Variants in EYA1 observed in about 807,000 individuals in gnomAD.
The protein encoded by EYA1 is protein phosphatase EYA1.
EYA1 carries 16 observed loss-of-function variants against 82.0 expected under a neutral mutation model. The observed-to-expected ratio is 0.20, with a 90% CI of 0.13 to 0.30. The LOEUF is 0.30. EYA1 is among the 10% of genes least tolerant of loss of function. EYA1 has a pLI of 1.00. For missense variants in EYA1, 633 were observed against 730.7 expected (o/e 0.87, Z 1.54); for synonymous variants, 261 against 264.4 (o/e 0.99, Z 0.12).
intron 4 of EYA1, among the ~76,000 whole-genome samples, chr8:71,331,249 C>T (rs1167689376): frequency 4.6e-4 from 13 of 28,052 alleles, no homozygotes; most frequent in Admixed American, 2.5e-3. Flanking sequence ...AATAAATACA[C>T]ACACACACAC....
chr8:71,220,292 G>A (rs1809731612), intron 12 of EYA1, among the ~76,000 whole-genome samples: 1 of 152,132 alleles, frequency 6.6e-6, no homozygotes, highest in African/African-American at 2.4e-5. Flanking sequence ...GACTTTTAAG[G>A]TGATGAAATC....
intron 2 of EYA1, among the ~76,000 whole-genome samples, chr8:71,517,968 T>A (rs1400188771): frequency 6.6e-6 from 1 of 151,884 alleles, no homozygotes; most frequent in African/African-American, 2.4e-5. Flanking sequence ...AAATTCTTCA[T>A]CAGTAAAAAT....
At chr8:71,377,349 G>T (rs1828433747) in intron 2 of EYA1, among the ~76,000 whole-genome samples, 1 of 152,150 alleles carries the variant, frequency 6.6e-6, no homozygotes, top group Admixed American at 6.6e-5. Flanking sequence ...GAAATTGGGA[G>T]AGACCCCAAG....
At chr8:71,405,381 G>A (rs903270776) in intron 2 of EYA1, among the ~76,000 whole-genome samples, 8 of 152,144 alleles carry the variant, frequency 5.3e-5, no homozygotes, top group African/African-American at 1.4e-4. Flanking sequence ...CACAGAATGT[G>A]GGTCAATCAG....
chr8:71,333,729 G>A (rs1366860279), intron 4 of EYA1, among the ~76,000 whole-genome samples: 2 of 152,152 alleles, frequency 1.3e-5, no homozygotes, highest in Non-Finnish European at 2.9e-5. Flanking sequence ...GCTTAGAAGC[G>A]TAAAACACCA....
intron 12 of EYA1, among the ~76,000 whole-genome samples, chr8:71,238,195 G>C (rs755935070): frequency 6.6e-6 from 1 of 151,828 alleles, no homozygotes; most frequent in African/African-American, 2.4e-5. Flanking sequence ...CTATTAATTT[G>C]CTTGGTTTTA....
At chr8:71,442,378 G>A (rs1463792401) in intron 2 of EYA1, among the ~76,000 whole-genome samples, 3 of 152,114 alleles carry the variant, frequency 2.0e-5, no homozygotes, top group Non-Finnish European at 4.4e-5. Context: ...CTAGATAATG[G>A]AATCTTATTT....
intron 12 of EYA1, among the ~76,000 whole-genome samples, chr8:71,224,027 G>A (rs139249028): frequency 1.3e-5 from 2 of 152,288 alleles, no homozygotes; most frequent in East Asian, 1.9e-4. Context: ...CAACAGTGAC[G>A]TAATAGCTAG....
chr8:71,479,564 GCA>G (rs1809955724), intron 2 of EYA1, among the ~76,000 whole-genome samples: 5 of 146,468 alleles, frequency 3.4e-5, no homozygotes, highest in Non-Finnish European at 4.5e-5. Context: ...AGTACCTGCT[GCA>G]TAAACACTGT....
At chr8:71,542,180 T>C (rs1038443690) in intron 1 of EYA1, among the ~76,000 whole-genome samples, 9 of 152,194 alleles carry the variant, frequency 5.9e-5, no homozygotes, top group Admixed American at 5.9e-4. Flanking sequence ...TTAAGCCTAG[T>C]ACCCATCAGT....
rs187000273 is a variant in EYA1 at position 71,256,011 on chromosome 8, C to G, written c.1051-11319G>C. ...CCCAAACCACTGTGAGTTATTATCT[C>G]ACAGCCATTAGAATGGCTACTATCA... is the stretch of plus-strand genomic sequence containing the variant. On this transcript the variant is annotated intron_variant, in intron 11 of 17. Coordinates refer to ENST00000340726, the MANE Select transcript of EYA1 (RefSeq NM_000503.6). Among the ~76,000 whole-genome samples, 230 of 152,210 alleles carry G rather than the reference C, an allele frequency of 1.5e-3. 3 individuals carry two copies. The South Asian group carries it at 0.017, about 12-fold the overall frequency.
At chr8:71,494,239 C>G (rs184100356) in intron 2 of EYA1, among the ~76,000 whole-genome samples, 1 of 152,196 alleles carries the variant, frequency 6.6e-6, no homozygotes, top group Admixed American at 6.5e-5. Context: ...AGATTCCAGA[C>G]AAACCCTAGA....
intron 11 of EYA1, among the ~76,000 whole-genome samples, chr8:71,255,888 TA>T (rs1230799680): frequency 4.6e-5 from 7 of 151,946 alleles, no homozygotes; most frequent in African/African-American, 7.3e-5. Context: ...AACCCTGATT[TA>T]AAAAATGGGA....
intron 2 of EYA1, among the ~76,000 whole-genome samples, chr8:71,448,394 G>A (rs748434159): frequency 4.6e-5 from 7 of 152,116 alleles, no homozygotes; most frequent in South Asian, 4.2e-4. Flanking sequence ...AAATTTTATC[G>A]TAAGATTGTA....
chr8:71,487,334 C>T (rs1412882754), intron 2 of EYA1, among the ~76,000 whole-genome samples: 1 of 152,116 alleles, frequency 6.6e-6, no homozygotes, highest in Non-Finnish European at 1.5e-5. Flanking sequence ...AGATGATCTC[C>T]AGAAGCCCTC....
chr8:71,435,031 C>T (rs1805900794), intron 2 of EYA1, among the ~76,000 whole-genome samples: 2 of 152,048 alleles, frequency 1.3e-5, no homozygotes, highest in African/African-American at 4.8e-5. Flanking sequence ...AAAAAATATG[C>T]AGTTCTGAAA....
At chr8:71,467,587 T>C (rs941007879) in intron 2 of EYA1, among the ~76,000 whole-genome samples, 3 of 152,184 alleles carry the variant, frequency 2.0e-5, no homozygotes, top group African/African-American at 7.2e-5. Flanking sequence ...CTCACTATTT[T>C]GTAATTAATT....
intron 2 of EYA1, among the ~76,000 whole-genome samples, chr8:71,533,069 T>G (rs569319270): frequency 1.3e-5 from 2 of 152,256 alleles, no homozygotes; most frequent in East Asian, 3.9e-4. Context: ...CAGGCAAAAC[T>G]GATGCAAAGT....
chr8:71,354,732 C>G, intron 3 of EYA1, 50 bp downstream of exon 3: 2 of 1,584,288 alleles, frequency 1.3e-6, no homozygotes, highest in Non-Finnish European at 8.7e-7. Flanking sequence ...AAAGCATATA[C>G]TGATGAAGAA....
Sources: gnomAD v4.1 joint callset for allele counts (sites outside exome capture counted in the v4.1 genomes callset) on GRCh38, gnomAD v4.1.1 for gene constraint, MANE v1.5 for transcripts, NCBI Gene and HGNC (gene_info 2026-07-23, HGNC 2026-07-21) for gene names.